GRM8: variants seen among roughly 807,000 people sequenced by gnomAD.
GRM8 encodes glutamate metabotropic receptor 8.
Under a neutral mutation model 87.2 loss-of-function variants are expected in GRM8, and 47 were observed. The observed-to-expected ratio is 0.54, with a 90% confidence interval of 0.43 to 0.69. The LOEUF (loss-of-function observed/expected upper bound fraction) is 0.69. GRM8 is among the 30% of genes least tolerant of loss of function. The pLI is 0.00. For missense variants in GRM8, 1,019 were observed against 1,139.2 expected (o/e 0.89, Z 1.52); for synonymous variants, 396 against 404.5 (o/e 0.98, Z 0.25).
chr7:127,014,388 G>A (rs746203096), intron 3 of GRM8, among the ~76,000 whole-genome samples: 52 of 152,270 alleles, frequency 3.4e-4, no homozygotes, highest in Non-Finnish European at 1.0e-4. Context: ...AGACCTAAAT[G>A]ATCTTCAGAA....
chr7:127,224,242 C>A (rs1592363), intron 2 of GRM8, among the ~76,000 whole-genome samples: 49,900 of 151,968 alleles, frequency 0.33, 8,487 homozygotes, highest in Middle Eastern at 0.44. Context: ...CCAAAGAAAT[C>A]CACACCAAGA....
intron 8 of GRM8, among the ~76,000 whole-genome samples, chr7:126,600,185 G>A (rs1028867782): frequency 1.3e-5 from 2 of 152,074 alleles, no homozygotes; most frequent in East Asian, 1.9e-4. Context: ...TGCAATTATT[G>A]TAGTTATGAG....
chr7:127,059,425 C>A lies in GRM8; in HGVS notation c.727+47071G>T, dbSNP rs182118567. On this transcript the variant is annotated intron_variant, in intron 3 of 10. Coordinates refer to ENST00000339582, the MANE Select transcript of GRM8 (RefSeq NM_000845.3). ...AATCTCAGCTCACTGCAACCTCCAC[C>A]TCCTGGGTTCAAGCGATTCTCCTGC... 2.0e-3 allele frequency among the ~76,000 whole-genome samples: 308 copies of A among 151,440 alleles called. 3 individuals are homozygous for A. The highest frequency in any genetic ancestry group is 7.2e-3 in the African/African-American group (296 of 41,278).
chr7:127,047,560 T>A (rs1392591243), intron 3 of GRM8, among the ~76,000 whole-genome samples: 1 of 152,176 alleles, frequency 6.6e-6, no homozygotes, highest in Non-Finnish European at 1.5e-5. Context: ...CCAGATGCAG[T>A]GGCTCATGCC....
At chr7:126,507,144 C>T (rs559485622) in intron 9 of GRM8, among the ~76,000 whole-genome samples, 2 of 152,056 alleles carry the variant, frequency 1.3e-5, no homozygotes, top group African/African-American at 4.8e-5. Flanking sequence ...CTCAATGAAG[C>T]CTTCCAAATC....
In GRM8 at chr7:126,533,514, T is replaced by C; in HGVS notation, c.1868A>G (p.Tyr623Cys). Residue 623 changes from tyrosine to cysteine, a missense_variant, in exon 9 of 11, where the codon TAC becomes TGC. Physicochemically the swap from Tyr to Cys is radical, Grantham distance 194 (BLOSUM62 -2). Coordinates refer to ENST00000339582, the MANE Select transcript of GRM8 (RefSeq NM_000845.3). Reference protein sequence around the residue: ...IVRASGRELSYVLLTGIFLCY... With the variant: ...IVRASGRELSCVLLTGIFLCY... ...GAGAAAAATCCCCGTTAGGAGCACG[T>C]AACTAAGTTCGCGTCCTGAAGCCCT... is the stretch of plus-strand genomic sequence containing the variant. 1 of 1,614,108 alleles carries C rather than the reference T, an allele frequency of 6.2e-7. No individual in the cohort carries two copies. The highest frequency in any genetic ancestry group is 8.5e-7 in the Non-Finnish European group (1 of 1,179,994).
intron 3 of GRM8, among the ~76,000 whole-genome samples, chr7:126,939,512 C>T (rs945850269): frequency 6.6e-6 from 1 of 152,144 alleles, no homozygotes; most frequent in South Asian, 2.1e-4. Flanking sequence ...ACTACTATGC[C>T]TAGAAAGAGT....
intron 2 of GRM8, among the ~76,000 whole-genome samples, chr7:127,141,766 T>C (rs749203240): frequency 5.3e-5 from 8 of 152,168 alleles, no homozygotes; most frequent in Non-Finnish European, 1.0e-4. Context: ...TGGAGAGAAC[T>C]TTATAACAGG....
chr7:126,617,058 G>C (rs928988821), intron 7 of GRM8, among the ~76,000 whole-genome samples: 2 of 152,124 alleles, frequency 1.3e-5, no homozygotes, highest in African/African-American at 2.4e-5. Flanking sequence ...CCAAAGCCTG[G>C]CAGAGACACA....
chr7:126,778,990 C>A (rs13236604), intron 6 of GRM8, among the ~76,000 whole-genome samples: 1,770 of 152,046 alleles, frequency 0.012, 23 homozygotes, highest in Middle Eastern at 0.027. Flanking sequence ...TCTTTCTTTG[C>A]CTCTTTATTT....
At chr7:126,888,094 C>T (rs184545926) in intron 6 of GRM8, among the ~76,000 whole-genome samples, 1 of 152,150 alleles carries the variant, frequency 6.6e-6, no homozygotes, top group African/African-American at 2.4e-5. Flanking sequence ...ACCACTGCTC[C>T]CTTTCACAGG....
rs536657909 is a variant in GRM8 at position 127,124,490 on chromosome 7, T to C, written c.511-17778A>G. 2.0e-5 allele frequency among the ~76,000 whole-genome samples: 3 copies of C among 152,290 alleles called. No homozygotes were observed. In the South Asian group the frequency reaches 6.2e-4, roughly 32 times the overall value. On this transcript the variant is annotated intron_variant, in intron 2 of 10. Transcript: ENST00000339582. ...TCTTTATTTGCTTACAATTTAAAAG[T>C]GAGGTTCCCTGAGGCCTGACCTGAG...
chr7:126,647,109 G>A (rs1234077659), intron 7 of GRM8, among the ~76,000 whole-genome samples: 1 of 151,986 alleles, frequency 6.6e-6, no homozygotes. Flanking sequence ...TCTCCTTTAG[G>A]AGCCAAGCAC....
chr7:126,809,641 CT>C (rs1351141576), intron 6 of GRM8, among the ~76,000 whole-genome samples: 1 of 152,088 alleles, frequency 6.6e-6, no homozygotes, highest in African/African-American at 2.4e-5. Context: ...AATTATTATC[CT>C]TAATTTCCCC....
intron 3 of GRM8, among the ~76,000 whole-genome samples, chr7:127,064,613 T>C (rs1820929467): frequency 6.6e-6 from 1 of 152,148 alleles, no homozygotes; most frequent in African/African-American, 2.4e-5. Flanking sequence ...ATTTAGCTAT[T>C]CAAGGTTAGT....
chr7:127,055,793 G>C (rs575955145), intron 3 of GRM8, among the ~76,000 whole-genome samples: 1 of 151,302 alleles, frequency 6.6e-6, no homozygotes, highest in South Asian at 2.1e-4. Context: ...ATAGGATCAA[G>C]GTTTGCTATC....
intron 3 of GRM8, among the ~76,000 whole-genome samples, chr7:127,099,935 C>T (rs1205569110): frequency 4.6e-5 from 7 of 151,998 alleles, no homozygotes; most frequent in Non-Finnish European, 1.0e-4. Context: ...AATATATCTT[C>T]ATTTTTATAA....
At chr7:127,058,126 G>A (rs1272757120) in intron 3 of GRM8, 2 of 519,740 alleles carry the variant, frequency 3.8e-6, no homozygotes, top group Non-Finnish European at 3.9e-6. Flanking sequence ...GTCACCACGT[G>A]ATGACGCTGT....
intron 9 of GRM8, among the ~76,000 whole-genome samples, chr7:126,486,257 TG>T (rs149869396): frequency 1.1e-3 from 162 of 152,222 alleles, no homozygotes; most frequent in African/African-American, 3.5e-3. Context: ...TTCATGCTCC[TG>T]CCTCACCTTT....
Sources: gnomAD v4.1 joint callset for allele counts (sites outside exome capture counted in the v4.1 genomes callset) on GRCh38, gnomAD v4.1.1 for gene constraint, MANE v1.5 for transcripts, NCBI Gene and HGNC (gene_info 2026-07-23, HGNC 2026-07-21) for gene names.